SMC1B: variants seen among roughly 807,000 people sequenced by gnomAD.
SMC1B encodes structural maintenance of chromosomes 1B.
SMC1B carries 60 observed loss-of-function variants against 157.9 expected under a neutral mutation model. The observed-to-expected ratio is 0.38, with a 90% CI of 0.31 to 0.47. The LOEUF is 0.47. Ranked by LOEUF, SMC1B falls within the 20% of genes least tolerant of loss-of-function variation. The pLI, the probability that SMC1B is intolerant of heterozygous loss-of-function variation, is 0.99. For synonymous variants in SMC1B, 445 were observed against 483.0 expected (o/e 0.92, Z 1.03); for missense variants, 1,165 against 1,426.2 (o/e 0.82, Z 2.95).
intron 4 of SMC1B, among the ~76,000 whole-genome samples, chr22:45,403,950 T>C (rs931959768): frequency 5.9e-5 from 9 of 152,146 alleles, no homozygotes; most frequent in African/African-American, 2.2e-4. Flanking sequence ...TTTGTTTGTT[T>C]GTTTGTTTTG....
At chr22:45,401,614 C>T (rs2087194770) in intron 5 of SMC1B, among the ~76,000 whole-genome samples, 2 of 152,244 alleles carry the variant, frequency 1.3e-5, no homozygotes, top group African/African-American at 4.8e-5. Flanking sequence ...ACGTGCTATG[C>T]AAATGGAATA....
rs2086815883 is a variant in SMC1B, at chr22:45,370,028, T to G, written c.2346A>C (p.Glu782Asp). Reference protein sequence around the residue: ...VEDDIFQHFCEEIGVENIREF... With the variant: ...VEDDIFQHFCDEIGVENIREF... ...CACGAATATTTTCCACGCCAATTTC[T>G]TCACAGAAGTGTTGGAAGATATCGT... Residue 782 changes from glutamate to aspartate, a missense_variant, in exon 15 of 25, where the codon GAA becomes GAC. Transcript: ENST00000357450. 6.3e-7 allele frequency: 1 copy of G among 1,594,800 alleles called. No individual in the cohort carries two copies. Among genetic ancestry groups the G allele is most frequent in the Non-Finnish European group, 8.6e-7 (1 of 1,169,568 alleles).
At position 45,401,997 on chromosome 22, in the gene SMC1B, C is replaced by T. The variant is rs148703905; in HGVS notation, c.854+336G>A. 1.5e-3 allele frequency among the ~76,000 whole-genome samples: 230 copies of T among 152,260 alleles called. 6 individuals are homozygous for T. In the East Asian group the frequency reaches 0.038, roughly 25 times the overall value. ...CTCCCAGGTTCATGCCATTCTCCTG[C>T]CTCAGCCTCCCGAGTAGGTGGGACT... is the stretch of plus-strand genomic sequence containing the variant. On this transcript the variant is annotated intron_variant, in intron 5 of 24. Transcript: ENST00000357450.
chr22:45,345,317 T>A (rs887369000), intron 24 of SMC1B, 142 bp downstream of exon 24: 40 of 529,846 alleles, frequency 7.5e-5, no homozygotes, highest in South Asian at 1.8e-4. Context: ...CACCAGTAGT[T>A]ATTTTTAATC....
At chr22:45,385,283 A>G (rs565837330) in intron 11 of SMC1B, among the ~76,000 whole-genome samples, 1 of 152,304 alleles carries the variant, frequency 6.6e-6, no homozygotes, top group East Asian at 1.9e-4. Flanking sequence ...TAGTTTATAC[A>G]TACTATAGTT....
In SMC1B at chr22:45,371,597, A is replaced by G. The variant is rs1414625404; in HGVS notation, c.2197-10T>C. 1.3e-6 allele frequency: 2 copies of G among 1,575,940 alleles called. No homozygotes were observed. On this transcript the variant is annotated splice_polypyrimidine_tract_variant and intron_variant, in intron 13 of 24. Coordinates refer to ENST00000357450, the MANE Select transcript of SMC1B (RefSeq NM_148674.5). ...GTAACTGAGATTGTTCCTAATAACA[A>G]AAGAGAAAAATTTTTTTAACATGGC...
chr22:45,368,128 G>A (rs2086793125), intron 15 of SMC1B, among the ~76,000 whole-genome samples: 1 of 152,080 alleles, frequency 6.6e-6, no homozygotes, highest in Non-Finnish European at 1.5e-5. Flanking sequence ...CCACAATGCT[G>A]ATTTCTGAGA....
intron 12 of SMC1B, among the ~76,000 whole-genome samples, chr22:45,374,454 T>C (rs980456160): frequency 6.6e-6 from 1 of 152,194 alleles, no homozygotes; most frequent in African/African-American, 2.4e-5. Context: ...TTGTCTTTAG[T>C]AAAAATGGAA....
At chr22:45,382,168 C>T (rs1053641815) in intron 12 of SMC1B, among the ~76,000 whole-genome samples, 1 of 152,120 alleles carries the variant, frequency 6.6e-6, no homozygotes, top group Non-Finnish European at 1.5e-5. Flanking sequence ...AGAATTTGGT[C>T]TTTCTAAGCA....
At chr22:45,377,389 A>G (rs1201838444) in intron 12 of SMC1B, among the ~76,000 whole-genome samples, 1 of 152,172 alleles carries the variant, frequency 6.6e-6, no homozygotes, top group Non-Finnish European at 1.5e-5. Context: ...CTGTAATCCC[A>G]GCACTTTGGG....
intron 17 of SMC1B, among the ~76,000 whole-genome samples, chr22:45,360,504 T>C (rs1285862363): frequency 6.6e-6 from 1 of 151,958 alleles, no homozygotes; most frequent in Non-Finnish European, 1.5e-5. Context: ...TTCAAGAATA[T>C]GAAGGGAAAA....
At chr22:45,369,538 GTTTCT>G (rs2086809659) in intron 15 of SMC1B, among the ~76,000 whole-genome samples, 1 of 133,442 alleles carries the variant, frequency 7.5e-6, no homozygotes, top group African/African-American at 2.9e-5. Flanking sequence ...TTTACTAGCT[GTTTCT>G]TTTTTTTTTT....
At chr22:45,393,580 G>T in intron 9 of SMC1B, 54 bp downstream of exon 9, 2 of 1,332,620 alleles carry the variant, frequency 1.5e-6, no homozygotes, top group Non-Finnish European at 2.1e-6. Context: ...ACTGTTGAAA[G>T]CAAACAGGAA....
intron 22 of SMC1B, among the ~76,000 whole-genome samples, chr22:45,352,118 A>G (rs1382046914): frequency 6.6e-6 from 1 of 151,998 alleles, no homozygotes; most frequent in African/African-American, 2.4e-5. Flanking sequence ...TGGGCATGGT[A>G]GCACATGCCT....
chr22:45,346,169 C>T (rs1353629856), intron 23 of SMC1B, among the ~76,000 whole-genome samples: 1 of 151,098 alleles, frequency 6.6e-6, no homozygotes, highest in Non-Finnish European at 1.5e-5. Context: ...TGTGCCACTG[C>T]ACTCCAGGCT....
chr22:45,369,051 CTATCTACATA>C (rs1366408565), intron 15 of SMC1B, among the ~76,000 whole-genome samples: 1 of 151,694 alleles, frequency 6.6e-6, no homozygotes, highest in Non-Finnish European at 1.5e-5. Context: ...TTACCACTTA[CTATCTACATA>C]TATGAATATT....
At chr22:45,397,533 C>A (rs1357693112) in intron 6 of SMC1B, among the ~76,000 whole-genome samples, 2 of 152,142 alleles carry the variant, frequency 1.3e-5, no homozygotes, top group African/African-American at 2.4e-5. Context: ...CAGTTTAAAG[C>A]CTAGCTACAA....
At chr22:45,396,016 G>T (rs2087119728) in intron 7 of SMC1B, among the ~76,000 whole-genome samples, 1 of 152,170 alleles carries the variant, frequency 6.6e-6, no homozygotes, top group Non-Finnish European at 1.5e-5. Context: ...AAACTAGCAT[G>T]TACAAAGGCA....
intron 7 of SMC1B, among the ~76,000 whole-genome samples, chr22:45,395,292 G>A (rs1157440073): frequency 2.6e-5 from 4 of 152,180 alleles, no homozygotes; most frequent in African/African-American, 9.7e-5. Context: ...TGTGGATGAG[G>A]ATTTCGGGAA....
Sources: gnomAD v4.1 joint callset for allele counts (sites outside exome capture counted in the v4.1 genomes callset) on GRCh38, gnomAD v4.1.1 for gene constraint, MANE v1.5 for transcripts, NCBI Gene and HGNC (gene_info 2026-07-23, HGNC 2026-07-21) for gene names.